Variants in ADAR observed in about 807,000 individuals in gnomAD.
The protein encoded by ADAR is double-stranded RNA-specific adenosine deaminase.
ADAR carries 41 observed loss-of-function variants against 113.2 expected under a neutral mutation model. That is an observed-to-expected ratio of 0.36 (90% CI 0.28 to 0.47). The LOEUF is 0.47. Among genes scored for constraint, ADAR ranks in the 20% least tolerant of loss-of-function variants. The pLI is 1.00. For missense variants in ADAR, 1,242 were observed against 1,540.9 expected, an observed-to-expected ratio of 0.81 and a Z score of 3.25; for synonymous variants, 605 against 572.6, an observed-to-expected ratio of 1.06 and a Z score of -0.81.
chr1:154,608,492 C>CTTTTTTTTTTTTT (rs67463447), upstream of ADAR, among the ~76,000 whole-genome samples: 91 of 65,762 alleles, frequency 1.4e-3, no homozygotes, highest in East Asian at 3.0e-3. Flanking sequence ...TCACTCCTGG[C>CTTTTTTTTTTTTT]TTTTTTTTTT....
At chr1:154,590,134 T>TCGGGGGGGGGGGGGGG in intron 7 of ADAR, 50 bp downstream of exon 7, 1 of 1,447,048 alleles carries the variant, frequency 6.9e-7, no homozygotes, top group Non-Finnish European at 9.6e-7. Flanking sequence ...ACTTAGGAGT[T>TCGGGGGGGGGGGGGGG]AGGAGGACCC....
At chr1:154,608,492 C>CTTTTTTTTTTTT (rs67463447), upstream of ADAR, among the ~76,000 whole-genome samples, 83 of 65,756 alleles carry the variant, frequency 1.3e-3, 1 homozygote, top group East Asian at 0.011. Flanking sequence ...TCACTCCTGG[C>CTTTTTTTTTTTT]TTTTTTTTTT....
upstream of ADAR, among the ~76,000 whole-genome samples, chr1:154,609,359 GT>G (rs1698401110): frequency 6.6e-6 from 1 of 152,208 alleles, no homozygotes; most frequent in African/African-American, 2.4e-5. Context: ...CTGTGAGAAT[GT>G]TCTTTCCCTG....
At chr1:154,587,872 T>G (rs1415525665) in intron 11 of ADAR, among the ~76,000 whole-genome samples, 2 of 152,158 alleles carry the variant, frequency 1.3e-5, no homozygotes, top group Admixed American at 1.3e-4. Flanking sequence ...CCAAGCTCCC[T>G]CCTCTGAGCT....
Position 154,602,033 on chromosome 1 carries a change from A to C in ADAR, c.609T>G (p.Ala203=), listed in dbSNP as rs544913702. Residue 203 remains alanine, a synonymous_variant, in exon 2 of 15, where the codon GCT becomes GCG. Transcript: ENST00000368474. ...PLWKIAVSTQ[A]WNQHSGVVRP... is the part of the protein sequence containing the mutation. ...TTACCACTCCGCTGTGCTGGTTCCA[A>C]GCCTGAGTGGAGACCGCGATTTTCC... 5.0e-6 allele frequency: 8 copies of C among 1,614,214 alleles called. No individual in the cohort carries two copies. The South Asian group carries it at 8.8e-5, about 18-fold the overall frequency.
chr1:154,606,943 A>T (rs1412815875), intron 1 of ADAR, among the ~76,000 whole-genome samples: 1 of 36,104 alleles, frequency 2.8e-5, no homozygotes, highest in Non-Finnish European at 6.4e-5. Context: ...CTTAAAAAAA[A>T]AAAAATATAT....
At chr1:154,608,326 G>T (rs931900755), upstream of ADAR, 65 of 409,142 alleles carry the variant, frequency 1.6e-4, no homozygotes, top group African/African-American at 1.4e-3. Context: ...ACTACGGAAG[G>T]TACTTTTTTT....
intron 1 of ADAR, among the ~76,000 whole-genome samples, chr1:154,623,758 T>A (rs374484168): frequency 6.6e-6 from 1 of 152,064 alleles, no homozygotes; most frequent in African/African-American, 2.4e-5. Flanking sequence ...ATCCCAGCAC[T>A]TTGGGAGGCT....
intron 2 of ADAR, among the ~76,000 whole-genome samples, chr1:154,599,628 T>A (rs564210079): frequency 2.0e-5 from 3 of 152,194 alleles, no homozygotes; most frequent in Non-Finnish European, 2.9e-5. Context: ...TAGGTAAACA[T>A]AAAGGTCAGT....
chr1:154,616,692 T>C (rs1227173226), intron 1 of ADAR, among the ~76,000 whole-genome samples: 1 of 152,238 alleles, frequency 6.6e-6, no homozygotes, highest in East Asian at 1.9e-4. Context: ...AAGCTAGGGC[T>C]ATACAAGTGT....
At position 154,589,944 on chromosome 1, in the gene ADAR, G is replaced by A. The variant is rs749444156; in HGVS notation, c.2497-16C>T. 14 of 1,613,536 alleles carry A rather than the reference G, an allele frequency of 8.7e-6. No individual in the cohort carries two copies. Among genetic ancestry groups the A allele is most frequent in the Admixed American group, 3.3e-5 (2 of 59,968 alleles). On this transcript the variant is annotated splice_polypyrimidine_tract_variant and intron_variant, in intron 7 of 14. Coordinates refer to ENST00000368474, the MANE Select transcript of ADAR (RefSeq NM_001111.5). The stretch of plus-strand genomic sequence containing the variant: ...TGAGAGGGAGCTGTGGGGAAAAGAG[G>A]CTGTGTCAGCACCACAAAGCTGAGG...
intron 1 of ADAR, among the ~76,000 whole-genome samples, chr1:154,606,604 T>G (rs1698204534): frequency 6.6e-6 from 1 of 152,174 alleles, no homozygotes; most frequent in Non-Finnish European, 1.5e-5. Flanking sequence ...TCTTTCTTTT[T>G]GCCCCCCTTA....
At chr1:154,590,135 A>AGGCGGGGG in intron 7 of ADAR, 49 bp downstream of exon 7, 11 of 1,204,938 alleles carry the variant, frequency 9.1e-6, no homozygotes, top group East Asian at 5.0e-5. Flanking sequence ...CTTAGGAGTT[A>AGGCGGGGG]GGAGGACCCC....
At chr1:154,585,894 C>T in intron 12 of ADAR, 29 bp from the exon 13 acceptor site, 1 of 1,571,526 alleles carries the variant, frequency 6.4e-7, no homozygotes, top group Non-Finnish European at 8.7e-7. Flanking sequence ...AACATATATA[C>T]CTGTGTTTGC....
intron 4 of ADAR, 136 bp from the exon 5 acceptor site, chr1:154,597,403 C>A: frequency 9.1e-7 from 1 of 1,102,462 alleles, no homozygotes. Context: ...ACATCTCATG[C>A]AGTCACTTCT....
At chr1:154,590,011 T>G in intron 7 of ADAR, 83 bp from the exon 8 acceptor site, 2 of 1,571,414 alleles carry the variant, frequency 1.3e-6, no homozygotes, top group Non-Finnish European at 1.7e-6. Flanking sequence ...GATCAAGCTC[T>G]ACTTGTCGTG....
Position 154,597,290 on chromosome 1 carries a change from G to A in ADAR, c.1935-23C>T, listed in dbSNP as rs768737183. ...AACCTGACAGGAGATGAAGCACGTAGAAGGATTAAAATGGTTTTGACTGAG... is the reference window on the plus strand; with the variant it reads ...AACCTGACAGGAGATGAAGCACGTAAAAGGATTAAAATGGTTTTGACTGAG... On this transcript the variant is annotated intron_variant, in intron 4 of 14. Coordinates refer to ENST00000368474, the MANE Select transcript of ADAR (RefSeq NM_001111.5). 46 of 1,613,842 alleles carry A rather than the reference G, an allele frequency of 2.9e-5. No individual in the cohort carries two copies. The Admixed American group carries it at 3.0e-4, about 11-fold the overall frequency.
At chr1:154,619,406 G>T (rs56020456) in intron 1 of ADAR, among the ~76,000 whole-genome samples, 31,831 of 152,072 alleles carry the variant, frequency 0.21, 3,451 homozygotes, top group South Asian at 0.33. Context: ...CAGTGGGCTG[G>T]AACAATGCTG....
chr1:154,597,189 C>G lies in ADAR; in HGVS notation c.2013G>C (p.Met671Ile). The G allele has an allele frequency of 3.1e-6, 5 of 1,614,210 alleles. No homozygotes were observed. Among genetic ancestry groups the G allele is most frequent in the Non-Finnish European group, 4.2e-6 (5 of 1,180,042 alleles). The change falls in exon 5 of 15, where the codon ATG (methionine) becomes ATC (isoleucine). Residue 671 changes from methionine to isoleucine, a missense_variant. This residue lies in a region of ADAR where 780 missense variants were observed against 1,057.9 expected (regional missense o/e 0.74). Transcript: ENST00000368474. ...GGGCCTTCATGGCTTCCTCTGCGGC[C>G]ATCTGCTTTGCCACTTTCTTGCTGG... ...SAPSKKVAKQ[M>I]AAEEAMKALH...
Sources: gnomAD v4.1 joint callset for allele counts (sites outside exome capture counted in the v4.1 genomes callset) on GRCh38, gnomAD v4.1.1 for gene constraint, gnomAD v4.1.1 regional missense constraint, MANE v1.5 for transcripts, NCBI Gene and HGNC (gene_info 2026-07-23, HGNC 2026-07-21) for gene names.